LAMA2: variants seen among roughly 807,000 people sequenced by gnomAD.
The protein encoded by LAMA2 is laminin subunit alpha 2.
Under a neutral mutation model 364.8 loss-of-function variants are expected in LAMA2, and 269 were observed. That is an observed-to-expected ratio of 0.74 (90% confidence interval 0.67 to 0.82). The LOEUF is 0.82. Among genes scored for constraint, LAMA2 ranks in the 40% least tolerant of loss-of-function variants. The pLI, the probability that LAMA2 is intolerant of heterozygous loss-of-function variation, is 0.00. For synonymous variants in LAMA2, 1,379 were observed against 1,370.6 expected, an observed-to-expected ratio of 1.01 and a Z score of -0.14; for missense variants, 3,807 against 3,873.2, an observed-to-expected ratio of 0.98 and a Z score of 0.45.
chr6:129,153,052 G>A (rs187250888), intron 7 of LAMA2, among the ~76,000 whole-genome samples: 19 of 152,286 alleles, frequency 1.2e-4, no homozygotes, highest in Non-Finnish European at 2.2e-4. Context: ...CAGGTAGGAA[G>A]GAGACTGCAT....
At chr6:129,071,424 C>T (rs1379341771) in intron 3 of LAMA2, among the ~76,000 whole-genome samples, 1 of 151,842 alleles carries the variant, frequency 6.6e-6, no homozygotes, top group East Asian at 1.9e-4. Flanking sequence ...TCTTATATGT[C>T]TTGTTTTTTA....
At chr6:129,264,856 G>T (rs769833261) in intron 15 of LAMA2, among the ~76,000 whole-genome samples, 1 of 152,124 alleles carries the variant, frequency 6.6e-6, no homozygotes, top group South Asian at 2.1e-4. Flanking sequence ...TTGAGAGGTG[G>T]TGACACAAAA....
intron 1 of LAMA2, among the ~76,000 whole-genome samples, chr6:129,012,676 A>G (rs1219986715): frequency 2.0e-5 from 3 of 152,224 alleles, no homozygotes; most frequent in African/African-American, 4.8e-5. Context: ...TCAAGGTGAT[A>G]GTTCATAAAG....
At chr6:129,058,582 A>T (rs1788652354) in intron 2 of LAMA2, among the ~76,000 whole-genome samples, 1 of 152,204 alleles carries the variant, frequency 6.6e-6, no homozygotes, top group Admixed American at 6.5e-5. Context: ...GTTAGTGATG[A>T]TGGCAACAGA....
At chr6:129,207,551 A>G (rs184964919) in intron 12 of LAMA2, among the ~76,000 whole-genome samples, 143 of 152,252 alleles carry the variant, frequency 9.4e-4, no homozygotes, top group Admixed American at 2.0e-3. Context: ...GTAGAGATCA[A>G]TAGTGTAAGA....
At chr6:128,908,894 CCCAGT>C (rs1777688053) in intron 1 of LAMA2, among the ~76,000 whole-genome samples, 1 of 147,460 alleles carries the variant, frequency 6.8e-6, no homozygotes, top group African/African-American at 2.6e-5. Flanking sequence ...TCGTTATGTA[CCCAGT>C]AGTCATTCAG....
chr6:129,189,107 A>G (rs1254597687), intron 10 of LAMA2, among the ~76,000 whole-genome samples: 2 of 151,998 alleles, frequency 1.3e-5, no homozygotes, highest in South Asian at 2.1e-4. Flanking sequence ...CAGAATTTCT[A>G]CCTCTGAATA....
chr6:129,363,705 C>G lies in LAMA2; in HGVS notation c.4718-2514C>G, dbSNP rs149189376. ...GAGAAACCAGGTGATCAAATCACCT[C>G]CTGATTCAGAAATACTAGGGGGTGT... On this transcript the variant is annotated intron_variant, in intron 32 of 64. Coordinates refer to ENST00000421865, the MANE Select transcript of LAMA2 (RefSeq NM_000426.4). Among the ~76,000 whole-genome samples, 629 of 152,266 alleles carry G rather than the reference C, an allele frequency of 4.1e-3. 1 individual carries two copies. Among genetic ancestry groups the G allele is most frequent in the Middle Eastern group, 0.01 (3 of 294 alleles).
intron 14 of LAMA2, among the ~76,000 whole-genome samples, chr6:129,258,533 C>T (rs1026548928): frequency 6.6e-6 from 1 of 151,146 alleles, no homozygotes; most frequent in Admixed American, 6.6e-5. Context: ...AGAATGACTG[C>T]CTAATGGATT....
At chr6:128,949,114 G>T (rs2114563020) in intron 1 of LAMA2, among the ~76,000 whole-genome samples, 1 of 152,288 alleles carries the variant, frequency 6.6e-6, no homozygotes, top group Admixed American at 6.5e-5. Context: ...CAACTCCAGT[G>T]AGATAAGTCT....
chr6:128,935,496 G>C (rs1033502067), intron 1 of LAMA2, among the ~76,000 whole-genome samples: 4 of 151,996 alleles, frequency 2.6e-5, no homozygotes, highest in African/African-American at 9.7e-5. Flanking sequence ...CCAAGTCTTT[G>C]CTATTGTGAA....
chr6:129,069,574 T>C (rs78805582), intron 3 of LAMA2, among the ~76,000 whole-genome samples: 6,374 of 149,064 alleles, frequency 0.043, 381 homozygotes, highest in African/African-American at 0.13. Flanking sequence ...AATGGCTTCA[T>C]TGATGAATAG....
intron 12 of LAMA2, among the ~76,000 whole-genome samples, chr6:129,200,724 G>A (rs567222203): frequency 6.6e-6 from 1 of 151,968 alleles, no homozygotes; most frequent in East Asian, 1.9e-4. Context: ...CTATCAGTGT[G>A]AAAATAAACC....
intron 5 of LAMA2, among the ~76,000 whole-genome samples, chr6:129,145,491 C>T (rs955025574): frequency 6.6e-6 from 1 of 151,662 alleles, no homozygotes; most frequent in Middle Eastern, 3.2e-3. Context: ...CTAATTTTGG[C>T]GGGACTTAAA....
At chr6:128,969,626 TC>T (rs1206615138) in intron 1 of LAMA2, among the ~76,000 whole-genome samples, 2 of 152,056 alleles carry the variant, frequency 1.3e-5, no homozygotes, top group Non-Finnish European at 2.9e-5. Flanking sequence ...ATATGAGGTT[TC>T]ACCATGTTGT....
chr6:129,315,500 A>G lies in LAMA2; in HGVS notation c.3580A>G (p.Ile1194Val), dbSNP rs1774526579. ...TWVTLKAEQT[I>V]LPLVDEALQH... ...GGTGACTCTGAAGGCTGAGCAGACC[A>G]TTCTACCCCTGGTAGATGAGGCTCT... Residue 1194 changes from isoleucine (I) to valine (V), a missense_variant, in exon 25 of 65, where the codon ATT (isoleucine) becomes GTT (valine). By Grantham distance (29) the Ile-to-Val change is conservative (BLOSUM62 3). This residue lies in a region of LAMA2 where 3,333 missense variants were observed against 3,345.7 expected (regional missense o/e 1.00). Transcript: ENST00000421865. The G allele has an allele frequency of 5.0e-6, 8 of 1,614,048 alleles. 1 individual carries two copies. In the South Asian group the frequency reaches 7.7e-5, roughly 16 times the overall value.
chr6:129,104,171 A>AT (rs556179045), intron 4 of LAMA2, among the ~76,000 whole-genome samples: 3 of 151,966 alleles, frequency 2.0e-5, no homozygotes, highest in African/African-American at 4.8e-5. Flanking sequence ...ATTTTTTAAA[A>AT]TTTTTTTGTA....
chr6:129,168,129 A>C (rs1291056232), intron 9 of LAMA2, among the ~76,000 whole-genome samples: 161 of 140,978 alleles, frequency 1.1e-3, no homozygotes, highest in East Asian at 1.4e-3. Context: ...GTTCACTCTG[A>C]TGGTAGTTTC....
intron 7 of LAMA2, among the ~76,000 whole-genome samples, chr6:129,152,986 A>G (rs1393403938): frequency 6.6e-6 from 1 of 150,904 alleles, no homozygotes; most frequent in Non-Finnish European, 1.5e-5. Flanking sequence ...GCACACCTAC[A>G]CACACACACA....
Sources: allele counts gnomAD v4.1 joint callset (sites outside exome capture counted in the v4.1 genomes callset), GRCh38; gene constraint gnomAD v4.1.1; regional missense constraint gnomAD v4.1.1; transcripts MANE v1.5; gene names NCBI Gene and HGNC (gene_info 2026-07-23, HGNC 2026-07-21).